COL19A1: variants seen among roughly 807,000 people sequenced by gnomAD.
The protein encoded by COL19A1 is collagen type XIX alpha 1 chain.
In COL19A1, 159 loss-of-function variants were observed where a neutral mutation model predicts 190.2. That is an observed-to-expected ratio of 0.84 (90% CI 0.73 to 0.95). COL19A1 has a LOEUF of 0.95. COL19A1 is among the 40% of genes least tolerant of loss of function. The pLI is 0.00. For synonymous variants in COL19A1, 509 were observed against 458.9 expected (o/e 1.11, Z -1.39); for missense variants, 1,418 against 1,431.9 (o/e 0.99, Z 0.16).
At chr6:69,891,379 T>G (rs1769339975) in intron 2 of COL19A1, among the ~76,000 whole-genome samples, 1 of 151,872 alleles carries the variant, frequency 6.6e-6, no homozygotes, top group Non-Finnish European at 1.5e-5. Flanking sequence ...TACCTATCAG[T>G]GAAGAGAGGA....
chr6:69,959,454 A>G (rs1774637464), intron 9 of COL19A1, among the ~76,000 whole-genome samples: 1 of 152,314 alleles, frequency 6.6e-6, no homozygotes, highest in Non-Finnish European at 1.5e-5. Flanking sequence ...CCAGAATTAA[A>G]TCTTTTTCCA....
chr6:70,053,593 AC>A (rs1780332801), intron 14 of COL19A1, among the ~76,000 whole-genome samples: 1 of 152,108 alleles, frequency 6.6e-6, no homozygotes, highest in African/African-American at 2.4e-5. Context: ...CGACCGATTA[AC>A]CCTGTTTCTA....
At chr6:70,052,986 A>G (rs978782910) in intron 14 of COL19A1, among the ~76,000 whole-genome samples, 1 of 152,180 alleles carries the variant, frequency 6.6e-6, no homozygotes, top group East Asian at 1.9e-4. Context: ...GGAATTCCAG[A>G]CACACTAGCA....
At chr6:70,016,201 C>A in intron 11 of COL19A1, among the ~76,000 whole-genome samples, 1 of 27,616 alleles carries the variant, frequency 3.6e-5, no homozygotes, top group Non-Finnish European at 5.7e-5. Context: ...GAATATCACA[C>A]TCTGGGGACT....
At chr6:70,169,372 C>G (rs1765367195) in intron 40 of COL19A1, among the ~76,000 whole-genome samples, 1 of 152,018 alleles carries the variant, frequency 6.6e-6, no homozygotes, top group Non-Finnish European at 1.5e-5. Flanking sequence ...TATATTTTAA[C>G]CTTTGGGTAT....
intron 14 of COL19A1, among the ~76,000 whole-genome samples, chr6:70,067,323 T>C (rs1781296445): frequency 6.6e-6 from 1 of 152,056 alleles, no homozygotes; most frequent in South Asian, 2.1e-4. Flanking sequence ...ATCTTGTAGA[T>C]AAAGCCAACA....
At chr6:70,051,979 C>A (rs1780229459) in intron 14 of COL19A1, among the ~76,000 whole-genome samples, 1 of 152,052 alleles carries the variant, frequency 6.6e-6, no homozygotes, top group Non-Finnish European at 1.5e-5. Flanking sequence ...CCGAATAGAT[C>A]CCATAAATCA....
intron 15 of COL19A1, among the ~76,000 whole-genome samples, chr6:70,093,686 C>G (rs1188192764): frequency 6.6e-6 from 1 of 152,088 alleles, no homozygotes; most frequent in African/African-American, 2.4e-5. Context: ...AGCAAAATAA[C>G]CTAAATTGTG....
At chr6:70,180,194 C>A in intron 42 of COL19A1, 118 bp from the exon 43 acceptor site, 1 of 1,124,278 alleles carries the variant, frequency 8.9e-7, no homozygotes, top group Non-Finnish European at 1.3e-6. Context: ...CCAGAAATGC[C>A]ACTGGAGAGC....
intron 16 of COL19A1, among the ~76,000 whole-genome samples, chr6:70,117,079 G>C (rs1031635777): frequency 6.6e-6 from 1 of 152,168 alleles, no homozygotes; most frequent in Non-Finnish European, 1.5e-5. Context: ...CAAGATTGAG[G>C]ATCAGAGAGT....
intron 11 of COL19A1, among the ~76,000 whole-genome samples, chr6:69,986,043 G>A (rs908221713): frequency 1.3e-5 from 2 of 151,676 alleles, no homozygotes; most frequent in African/African-American, 4.8e-5. Flanking sequence ...TGTTTGTCTT[G>A]CTTAGTCATG....
At chr6:69,923,448 TA>T (rs1318326199) in intron 4 of COL19A1, among the ~76,000 whole-genome samples, 2 of 152,166 alleles carry the variant, frequency 1.3e-5, no homozygotes, top group Non-Finnish European at 2.9e-5. Flanking sequence ...GGTAGTTCCC[TA>T]AAAACCCCAA....
chr6:70,092,629 A>G (rs1448787403), intron 15 of COL19A1, among the ~76,000 whole-genome samples: 1 of 152,164 alleles, frequency 6.6e-6, no homozygotes, highest in Non-Finnish European at 1.5e-5. Flanking sequence ...GGTGACCTTT[A>G]TAGTTCCACC....
chr6:70,153,911 A>G (rs1196343781), intron 31 of COL19A1, among the ~76,000 whole-genome samples: 1 of 152,026 alleles, frequency 6.6e-6, no homozygotes, highest in Non-Finnish European at 1.5e-5. Context: ...GTTCCCTTTT[A>G]TATATTCAGA....
At chr6:70,053,838 C>T (rs1192472753) in intron 14 of COL19A1, among the ~76,000 whole-genome samples, 1 of 152,060 alleles carries the variant, frequency 6.6e-6, no homozygotes, top group Non-Finnish European at 1.5e-5. Context: ...TTATTTAGTG[C>T]ATGTATTACC....
At chr6:70,090,881 T>C (rs913766154) in intron 15 of COL19A1, among the ~76,000 whole-genome samples, 8 of 152,144 alleles carry the variant, frequency 5.3e-5, no homozygotes, top group African/African-American at 1.7e-4. Context: ...AACCTGTGTT[T>C]CTTTCTATTC....
Position 70,188,223 on chromosome 6 carries a change from C to G in COL19A1, c.3005C>G (p.Ser1002Cys), listed in dbSNP as rs751099505. The G allele has an allele frequency of 1.2e-6, 2 of 1,610,208 alleles. No homozygotes were observed. The highest frequency in any genetic ancestry group is 1.7e-5 in the Admixed American group (1 of 59,316). ...CCTGGCCACCAAGGCCCTCCAGGCT[C>G]TCCAGGCATCCCTGGCATTCCGGTA... is the stretch of plus-strand genomic sequence containing the variant. Reference protein sequence around the residue: ...GSPGHQGPPGSPGIPGIPADA... With the variant: ...GSPGHQGPPGCPGIPGIPADA... Residue 1002 changes from serine (S) to cysteine (C), a missense_variant, in exon 47 of 51, where the codon TCT (serine) becomes TGT (cysteine). Coordinates refer to ENST00000620364, the MANE Select transcript of COL19A1 (RefSeq NM_001858.6).
Position 69,960,033 on chromosome 6 carries a change from G to A in COL19A1, c.974G>A (p.Gly325Asp). ...TTACATGGTGCTCCAGGATTCCCTG[G>A]TCAAAAGGTAAAGAGTTCTTGAATG... is the stretch of plus-strand genomic sequence containing the variant. ...NGLHGAPGFP[G>D]QKGEQGFEGS... Residue 325 changes from glycine to aspartate, a missense_variant, in exon 10 of 51, where the codon GGT becomes GAT. Physicochemically the swap from Gly to Asp is moderately conservative, Grantham distance 94. Coordinates refer to ENST00000620364, the MANE Select transcript of COL19A1 (RefSeq NM_001858.6). 1 of 1,613,152 alleles carries A rather than the reference G, an allele frequency of 6.2e-7. No homozygotes were observed. The highest frequency in any genetic ancestry group is 8.5e-7 in the Non-Finnish European group (1 of 1,179,612).
Position 70,184,713 on chromosome 6 carries a change from G to T in COL19A1, c.2786G>T (p.Gly929Val). ...TTTTTTTCTTTATAGGGAATAAATGGAAAAGATGGAATACCAGGTGCTCAG... is the reference window on the plus strand; with the variant it reads ...TTTTTTTCTTTATAGGGAATAAATGTAAAAGATGGAATACCAGGTGCTCAG... The part of the protein sequence containing the change: ...EGPSGKPGIN[G>V]KDGIPGAQGI... The change falls in exon 45 of 51, where the codon GGA becomes GTA. Residue 929 changes from glycine to valine, a missense_variant. By Grantham distance (109) the Gly-to-Val change is moderately radical. Coordinates refer to ENST00000620364, the MANE Select transcript of COL19A1 (RefSeq NM_001858.6). The T allele has an allele frequency of 6.3e-7, 1 of 1,597,140 alleles. No homozygotes were observed. The highest frequency in any genetic ancestry group is 8.6e-7 in the Non-Finnish European group (1 of 1,167,278).
Sources: gnomAD v4.1 joint callset for allele counts (sites outside exome capture counted in the v4.1 genomes callset) on GRCh38, gnomAD v4.1.1 for gene constraint, MANE v1.5 for transcripts, NCBI Gene and HGNC (gene_info 2026-07-23, HGNC 2026-07-21) for gene names.